The following SLC2A13 variants were observed in gnomAD, a reference collection of about 807,000 sequenced individuals.
SLC2A13 encodes proton myo-inositol cotransporter.
A neutral mutation model predicts 64.4 loss-of-function variants in SLC2A13; 32 were observed. The observed-to-expected ratio is 0.50, with a 90% CI of 0.37 to 0.67. SLC2A13 has a LOEUF of 0.67. Among genes scored for constraint, SLC2A13 ranks in the 30% least tolerant of loss-of-function variants. The probability of loss-of-function intolerance (pLI) is 0.00; values close to 1 mark genes in which losing one functional copy is unlikely to be tolerated. For synonymous variants in SLC2A13, 338 were observed against 327.1 expected (o/e 1.03, Z -0.36); for missense variants, 743 against 829.2 (o/e 0.90, Z 1.28).
intron 3 of SLC2A13, among the ~76,000 whole-genome samples, chr12:39,992,104 T>G (rs1947147594): frequency 6.6e-6 from 1 of 152,152 alleles, no homozygotes; most frequent in Non-Finnish European, 1.5e-5. Context: ...ACCTGTGACC[T>G]TGCTCAGCGA....
chr12:39,981,731 G>A lies in SLC2A13; in HGVS notation c.926-30366C>T, dbSNP rs1276370782. ...TCCAGGACCAGATGGATTCACAGCC[G>A]AATTCTACCAGAGGTACAAGGAGGA... On this transcript the variant is annotated intron_variant, in intron 3 of 9. Transcript: ENST00000280871. Among the ~76,000 whole-genome samples, 978 of 150,074 alleles carry A rather than the reference G, an allele frequency of 6.5e-3. 2 individuals are homozygous for A. Among genetic ancestry groups the A allele is most frequent in the Middle Eastern group, 0.02 (6 of 294 alleles).
intron 1 of SLC2A13, among the ~76,000 whole-genome samples, chr12:40,099,372 T>C (rs988124038): frequency 6.6e-6 from 1 of 152,152 alleles, no homozygotes; most frequent in Non-Finnish European, 1.5e-5. Flanking sequence ...CCAAGTACAA[T>C]ATGAGAAAAA....
chr12:39,833,676 A>ATAC (rs1942923269), intron 6 of SLC2A13, among the ~76,000 whole-genome samples: 1 of 152,094 alleles, frequency 6.6e-6, no homozygotes, highest in African/African-American at 2.4e-5. Context: ...CCTTGGCTGG[A>ATAC]TACTCACTGT....
intron 3 of SLC2A13, among the ~76,000 whole-genome samples, chr12:39,980,529 C>G (rs1326229701): frequency 6.6e-5 from 10 of 151,664 alleles, no homozygotes; most frequent in Admixed American, 6.6e-4. Flanking sequence ...CAATCCTAGT[C>G]TCTGATAAAG....
intron 7 of SLC2A13, among the ~76,000 whole-genome samples, chr12:39,799,627 A>C (rs919058385): frequency 9.9e-5 from 15 of 152,232 alleles, no homozygotes; most frequent in Admixed American, 8.5e-4. Flanking sequence ...ACCTGGTCAA[A>C]AAGATTGGAA....
At chr12:40,084,066 T>C (rs1367637850) in intron 1 of SLC2A13, among the ~76,000 whole-genome samples, 1 of 152,218 alleles carries the variant, frequency 6.6e-6, no homozygotes, top group Non-Finnish European at 1.5e-5. Context: ...TTAGAATAAA[T>C]GCTCCGAATA....
chr12:40,010,631 C>T (rs1255616117), intron 3 of SLC2A13, among the ~76,000 whole-genome samples: 1 of 152,188 alleles, frequency 6.6e-6, no homozygotes, highest in African/African-American at 2.4e-5. Context: ...ATCTTGCCCA[C>T]ACTTTGAGAG....
intron 7 of SLC2A13, among the ~76,000 whole-genome samples, chr12:39,781,987 G>A (rs969723501): frequency 6.6e-6 from 1 of 152,146 alleles, no homozygotes; most frequent in Non-Finnish European, 1.5e-5. Flanking sequence ...TGTGAATACA[G>A]GAACTGAAAA....
intron 4 of SLC2A13, among the ~76,000 whole-genome samples, chr12:39,898,069 T>C (rs1944974331): frequency 6.6e-6 from 1 of 152,118 alleles, no homozygotes; most frequent in Admixed American, 6.6e-5. Context: ...GAGGAGGCTT[T>C]AGCAAACAAT....
intron 4 of SLC2A13, among the ~76,000 whole-genome samples, chr12:39,905,153 C>T (rs1407263251): frequency 2.0e-5 from 3 of 152,276 alleles, no homozygotes; most frequent in East Asian, 1.9e-4. Context: ...GCTGGTCCTA[C>T]TGTGAACAAC....
chr12:40,083,557 C>A (rs1489267204), intron 1 of SLC2A13, among the ~76,000 whole-genome samples: 1 of 152,168 alleles, frequency 6.6e-6, no homozygotes, highest in African/African-American at 2.4e-5. Context: ...CACTGCAGCA[C>A]TGCAGGTTTT....
intron 3 of SLC2A13, among the ~76,000 whole-genome samples, chr12:40,020,310 T>A (rs972897089): frequency 2.6e-5 from 4 of 152,132 alleles, no homozygotes; most frequent in African/African-American, 7.2e-5. Context: ...TGAGAGGTGA[T>A]CAGATCATGG....
chr12:39,830,051 G>T, intron 7 of SLC2A13, 52 bp downstream of exon 7: 4 of 1,608,992 alleles, frequency 2.5e-6, no homozygotes, highest in Non-Finnish European at 3.4e-6. Flanking sequence ...TTAAACATAA[G>T]CCTCGTTTTG....
intron 4 of SLC2A13, among the ~76,000 whole-genome samples, chr12:39,875,777 C>G (rs1302624381): frequency 6.6e-6 from 1 of 152,152 alleles, no homozygotes; most frequent in Non-Finnish European, 1.5e-5. Context: ...TGGGGAGATA[C>G]ATTTAACTTA....
chr12:39,873,696 A>G (rs898095786), intron 4 of SLC2A13, among the ~76,000 whole-genome samples: 2 of 152,238 alleles, frequency 1.3e-5, no homozygotes, highest in African/African-American at 4.8e-5. Flanking sequence ...AAATAAAACA[A>G]TGAAATCACA....
intron 6 of SLC2A13, among the ~76,000 whole-genome samples, chr12:39,831,403 T>C (rs1942847360): frequency 6.6e-6 from 1 of 152,178 alleles, no homozygotes; most frequent in Non-Finnish European, 1.5e-5. Context: ...ATATTTACTG[T>C]GTACAAGTCG....
chr12:39,951,068 T>C, intron 4 of SLC2A13, 189 bp downstream of exon 4: 1 of 463,062 alleles, frequency 2.2e-6, no homozygotes, highest in Non-Finnish European at 3.8e-6. Flanking sequence ...ACAAAATAAA[T>C]CACCTTTATC....
chr12:39,954,501 AG>A (rs1946286289), intron 3 of SLC2A13, among the ~76,000 whole-genome samples: 1 of 152,198 alleles, frequency 6.6e-6, no homozygotes, highest in Non-Finnish European at 1.5e-5. Flanking sequence ...GAGCTCAAAC[AG>A]GGCTGGGGAT....
intron 4 of SLC2A13, among the ~76,000 whole-genome samples, chr12:39,890,828 C>A (rs1592246374): frequency 6.6e-6 from 1 of 152,002 alleles, no homozygotes. Flanking sequence ...AAATTCTATA[C>A]AGCTATGAAA....
Sources: gnomAD v4.1 joint callset for allele counts (sites outside exome capture counted in the v4.1 genomes callset) on GRCh38, gnomAD v4.1.1 for gene constraint, MANE v1.5 for transcripts, NCBI Gene and HGNC (gene_info 2026-07-23, HGNC 2026-07-21) for gene names.